TRABD2A: variants seen among roughly 807,000 people sequenced by gnomAD.
The protein encoded by TRABD2A is metalloprotease TIKI1.
TRABD2A carries 43 observed loss-of-function variants against 45.6 expected under a neutral mutation model. That is an observed-to-expected ratio of 0.94 (90% CI 0.74 to 1.22). TRABD2A has a LOEUF of 1.22. TRABD2A is among the 50% of genes most tolerant of loss of function. The probability of loss-of-function intolerance (pLI) is 0.00; values close to 1 mark genes in which losing one functional copy is unlikely to be tolerated. For missense variants in TRABD2A, 642 were observed against 652.4 expected (o/e 0.98, Z 0.17); for synonymous variants, 269 against 265.0 (o/e 1.02, Z -0.15).
chr2:84,842,051 T>C, intron 2 of TRABD2A, 44 bp from the exon 3 acceptor site: 1 of 1,438,836 alleles, frequency 7.0e-7, no homozygotes, highest in Non-Finnish European at 9.1e-7. Flanking sequence ...AGGCAACTGT[T>C]TGCTGCCATC....
chr2:84,857,575 C>G (rs1052732684), intron 2 of TRABD2A, among the ~76,000 whole-genome samples: 1 of 152,210 alleles, frequency 6.6e-6, no homozygotes, highest in African/African-American at 2.4e-5. Flanking sequence ...TGGCATTTCT[C>G]TTAATTTTCT....
At chr2:84,875,571 T>G (rs1259213057) in intron 1 of TRABD2A, among the ~76,000 whole-genome samples, 1 of 147,718 alleles carries the variant, frequency 6.8e-6, no homozygotes, top group African/African-American at 2.7e-5. Flanking sequence ...CAGCTGACAG[T>G]GTGTTCAAAG....
intron 5 of TRABD2A, 34 bp downstream of exon 5, chr2:84,832,021 C>A: frequency 6.2e-7 from 1 of 1,612,398 alleles, no homozygotes; most frequent in Non-Finnish European, 8.5e-7. Flanking sequence ...AGGGTCTCAG[C>A]TCCCCAGCCA....
At chr2:84,842,450 C>G (rs962256116) in intron 2 of TRABD2A, among the ~76,000 whole-genome samples, 2 of 152,162 alleles carry the variant, frequency 1.3e-5, no homozygotes, top group African/African-American at 2.4e-5. Context: ...GCATTCCCAG[C>G]TAATGGCGTC....
chr2:84,880,938 C>A lies in TRABD2A; in HGVS notation c.102G>T (p.Lys34Asn), dbSNP rs567498576. 1.9e-6 allele frequency: 3 copies of A among 1,593,806 alleles called. No homozygotes were observed. Among genetic ancestry groups the A allele is most frequent in the African/African-American group, 1.3e-5 (1 of 74,650 alleles). ...CACCCGACGCGCGCCTTACTTGGGG[C>A]TTGAGCTCGCAGTTGGCGGTGCCGG... ...GAPGTANCEL[K>N]PQQSELNSFL... The change falls in exon 1 of 7, where the codon AAG (lysine) becomes AAT (asparagine). Residue 34 changes from lysine to asparagine, a missense_variant. Lys to Asn is a moderately conservative substitution (Grantham distance 94). Transcript: ENST00000409520.
intron 2 of TRABD2A, among the ~76,000 whole-genome samples, chr2:84,856,151 T>C (rs1682294901): frequency 6.6e-6 from 1 of 152,050 alleles, no homozygotes; most frequent in South Asian, 2.1e-4. Context: ...TTAAGAAGAG[T>C]AGGGGAAGGG....
intron 2 of TRABD2A, among the ~76,000 whole-genome samples, chr2:84,846,341 GCTTT>G (rs1681896046): frequency 6.6e-6 from 1 of 152,176 alleles, no homozygotes; most frequent in African/African-American, 2.4e-5. Context: ...GGGAAGCATG[GCTTT>G]CATGTGTGCT....
chr2:84,857,554 C>T (rs925479584), intron 2 of TRABD2A, among the ~76,000 whole-genome samples: 7 of 152,188 alleles, frequency 4.6e-5, no homozygotes, highest in African/African-American at 1.7e-4. Flanking sequence ...ATATCAGTTC[C>T]ACAGAGTCCC....
intron 5 of TRABD2A, among the ~76,000 whole-genome samples, chr2:84,825,336 T>C: frequency 6.6e-6 from 1 of 151,984 alleles, no homozygotes; most frequent in East Asian, 1.9e-4. Context: ...AATGGCCGTG[T>C]GTGAGGAAGG....
intron 2 of TRABD2A, among the ~76,000 whole-genome samples, chr2:84,863,076 T>C (rs916834231): frequency 2.6e-5 from 4 of 152,118 alleles, no homozygotes; most frequent in Non-Finnish European, 4.4e-5. Flanking sequence ...ATCCAAGGAA[T>C]AGACGTGTCA....
chr2:84,872,872 C>T (rs1224506488), intron 1 of TRABD2A, among the ~76,000 whole-genome samples: 10 of 151,854 alleles, frequency 6.6e-5, no homozygotes, highest in African/African-American at 2.4e-4. Flanking sequence ...TCCAGCACTT[C>T]GGGAGGCCGA....
chr2:84,846,703 A>G (rs113117576), intron 2 of TRABD2A, among the ~76,000 whole-genome samples: 4,822 of 152,310 alleles, frequency 0.032, 105 homozygotes, highest in South Asian at 0.063. Flanking sequence ...GGCTTAGCTG[A>G]GATGTGGGGA....
At chr2:84,828,738 G>C (rs1232377430) in intron 5 of TRABD2A, among the ~76,000 whole-genome samples, 2 of 152,242 alleles carry the variant, frequency 1.3e-5, no homozygotes, top group African/African-American at 4.8e-5. Flanking sequence ...TGTGCCAGAT[G>C]CCAGGATAGG....
At chr2:84,826,529 A>G (rs911951835) in intron 5 of TRABD2A, among the ~76,000 whole-genome samples, 1 of 152,090 alleles carries the variant, frequency 6.6e-6, no homozygotes, top group African/African-American at 2.4e-5. Context: ...ATTCTATGCC[A>G]TCTTTTGTTT....
At chr2:84,835,658 C>A (rs1301998910) in intron 4 of TRABD2A, among the ~76,000 whole-genome samples, 1 of 152,188 alleles carries the variant, frequency 6.6e-6, no homozygotes, top group East Asian at 1.9e-4. Flanking sequence ...CTCAAGTGAT[C>A]CTCCTGCCAT....
chr2:84,826,112 A>G (rs572341326), intron 5 of TRABD2A, among the ~76,000 whole-genome samples: 15 of 152,284 alleles, frequency 9.9e-5, no homozygotes, highest in African/African-American at 3.4e-4. Context: ...TGGCCTCCAT[A>G]TGACCCAAAC....
At chr2:84,842,643 C>A (rs11687261) in intron 2 of TRABD2A, among the ~76,000 whole-genome samples, 35,608 of 150,970 alleles carry the variant, frequency 0.24, 4,228 homozygotes, top group Middle Eastern at 0.28. Flanking sequence ...GCTAGAGAAT[C>A]GTTTGAACCC....
chr2:84,846,641 C>T (rs1681907657), intron 2 of TRABD2A, among the ~76,000 whole-genome samples: 1 of 152,218 alleles, frequency 6.6e-6, no homozygotes, highest in South Asian at 2.1e-4. Flanking sequence ...TCAAAGACAG[C>T]TTGGCCTGGG....
intron 1 of TRABD2A, among the ~76,000 whole-genome samples, chr2:84,872,762 C>T (rs1305441934): frequency 3.3e-5 from 5 of 152,150 alleles, no homozygotes; most frequent in African/African-American, 1.2e-4. Context: ...AGTTCTTGTT[C>T]ATAACATTTT....
Sources: gnomAD v4.1 joint callset for allele counts (sites outside exome capture counted in the v4.1 genomes callset) on GRCh38, gnomAD v4.1.1 for gene constraint, MANE v1.5 for transcripts, NCBI Gene and HGNC (gene_info 2026-07-23, HGNC 2026-07-21) for gene names.